Variants in CSTF3 observed in about 807,000 individuals in gnomAD.
The protein encoded by CSTF3 is CF-1 77 kDa subunit.
CSTF3 carries 29 observed loss-of-function variants against 105.8 expected under a neutral mutation model. The observed-to-expected ratio is 0.27, with a 90% CI of 0.20 to 0.37. CSTF3 has a LOEUF of 0.37. Ranked by LOEUF, CSTF3 falls within the 10% of genes least tolerant of loss-of-function variation. The pLI, the probability that CSTF3 is intolerant of heterozygous loss-of-function variation, is 1.00. For synonymous variants in CSTF3, 252 were observed against 281.9 expected, an observed-to-expected ratio of 0.89 and a Z score of 1.06; for missense variants, 357 against 879.3, an observed-to-expected ratio of 0.41 and a Z score of 7.51.
intron 3 of CSTF3, among the ~76,000 whole-genome samples, chr11:33,136,849 T>A (rs1311394099): frequency 6.6e-6 from 1 of 151,908 alleles, no homozygotes; most frequent in Non-Finnish European, 1.5e-5. Flanking sequence ...CTAATGACTA[T>A]AATACCCAAT....
intron 3 of CSTF3, among the ~76,000 whole-genome samples, chr11:33,133,490 A>C (rs1855622040): frequency 6.6e-6 from 1 of 152,264 alleles, no homozygotes; most frequent in Non-Finnish European, 1.5e-5. Flanking sequence ...AAATACACTA[A>C]AGACACATGA....
intron 3 of CSTF3, among the ~76,000 whole-genome samples, chr11:33,122,813 G>C (rs1194492737): frequency 6.6e-6 from 1 of 151,444 alleles, no homozygotes; most frequent in African/African-American, 2.4e-5. Context: ...CTACTTGAGG[G>C]GCTGAAGTGG....
In CSTF3 at chr11:33,124,081, C is replaced by T. The variant is rs114747368; in HGVS notation, c.226-15663G>A. Among the ~76,000 whole-genome samples, 3 of 151,996 alleles carry T rather than the reference C, an allele frequency of 2.0e-5. No individual in the cohort carries two copies. The South Asian group carries it at 6.2e-4, about 32-fold the overall frequency. ...AAATGTACAAATAAAACACAATATG[C>T]ATTATGCATACAGAAATTAGATGTA... is the stretch of plus-strand genomic sequence containing the variant. On this transcript the variant is annotated intron_variant, in intron 3 of 20. Transcript: ENST00000323959.
At chr11:33,124,640 T>C (rs1855525311) in intron 3 of CSTF3, among the ~76,000 whole-genome samples, 1 of 152,174 alleles carries the variant, frequency 6.6e-6, no homozygotes, top group South Asian at 2.1e-4. Context: ...CAGAGTGACT[T>C]TAGGCTAGGA....
chr11:33,147,032 G>A lies in CSTF3; in HGVS notation c.28-5046C>T, dbSNP rs557792232. ...AATATAAAAATTAGCCAGGCATGGT[G>A]GTGTGTGCCTGCAGCCCTAGCTACT... On this transcript the variant is annotated intron_variant, in intron 1 of 20. Coordinates refer to ENST00000323959, the MANE Select transcript of CSTF3 (RefSeq NM_001326.3). Among the ~76,000 whole-genome samples, 4 of 152,218 alleles carry A rather than the reference G, an allele frequency of 2.6e-5. No homozygotes were observed. In the South Asian group the frequency reaches 8.3e-4, roughly 32 times the overall value.
intron 15 of CSTF3, among the ~76,000 whole-genome samples, chr11:33,094,054 C>T (rs575050717): frequency 2.0e-5 from 3 of 152,288 alleles, no homozygotes; most frequent in Admixed American, 1.3e-4. Context: ...CTAGTGACTA[C>T]CATAATTGTG....
At chr11:33,103,785 A>G (rs1051489475) in intron 8 of CSTF3, among the ~76,000 whole-genome samples, 2 of 151,976 alleles carry the variant, frequency 1.3e-5, no homozygotes, top group African/African-American at 4.8e-5. Flanking sequence ...AAAAAAAAAT[A>G]TGTACAGATT....
intron 17 of CSTF3, among the ~76,000 whole-genome samples, 192 bp downstream of exon 17, chr11:33,090,340 C>T (rs1355905346): frequency 5.9e-5 from 9 of 152,148 alleles, no homozygotes; most frequent in Admixed American, 5.2e-4. Context: ...TTTCAATTCT[C>T]ATTTTGTTCA....
At chr11:33,113,683 CTTTTT>C (rs371618772) in intron 3 of CSTF3, among the ~76,000 whole-genome samples, 5 of 151,698 alleles carry the variant, frequency 3.3e-5, no homozygotes, top group South Asian at 4.2e-4. Flanking sequence ...CTTCAACTTC[CTTTTT>C]TTTAATAGAA....
chr11:33,136,975 T>C (rs1855660747), intron 3 of CSTF3, among the ~76,000 whole-genome samples: 2 of 151,884 alleles, frequency 1.3e-5, no homozygotes, highest in Non-Finnish European at 3.0e-5. Flanking sequence ...TCTGATCCAA[T>C]AGTCCTTTTT....
chr11:33,155,384 A>AT (rs1299535806), intron 1 of CSTF3, among the ~76,000 whole-genome samples: 16 of 81,262 alleles, frequency 2.0e-4, no homozygotes, highest in Admixed American at 9.7e-4. Flanking sequence ...AAATAAAAAA[A>AT]TTAAAAAAAA....
chr11:33,161,109 TAAGA>T (rs1280467303), intron 1 of CSTF3, among the ~76,000 whole-genome samples, 186 bp downstream of exon 1: 2 of 151,998 alleles, frequency 1.3e-5, no homozygotes, highest in Admixed American at 1.3e-4. Context: ...TATTCATGCC[TAAGA>T]GAGAGAAGTA....
At position 33,085,024 on chromosome 11, in the gene CSTF3, A is replaced by T; in HGVS notation, c.*63T>A. The T allele has an allele frequency of 6.5e-7, 1 of 1,550,292 alleles. No homozygotes were observed. Among genetic ancestry groups the T allele is most frequent in the Non-Finnish European group, 8.9e-7 (1 of 1,122,892 alleles). The stretch of plus-strand genomic sequence containing the variant: ...CTTGTAACAAAGCGTTGTCTCTTTT[A>T]AACATACCACTTGAGGCAAAAGGAA... On this transcript the variant is annotated 3_prime_UTR_variant, in exon 21 of 21. Coordinates refer to ENST00000323959, the MANE Select transcript of CSTF3 (RefSeq NM_001326.3).
At chr11:33,133,217 A>G (rs989755920) in intron 3 of CSTF3, among the ~76,000 whole-genome samples, 2 of 152,232 alleles carry the variant, frequency 1.3e-5, no homozygotes, top group Admixed American at 6.5e-5. Context: ...TTTCCACTCA[A>G]TAAACATATT....
intron 3 of CSTF3, among the ~76,000 whole-genome samples, chr11:33,134,774 A>C (rs1446247957): frequency 6.6e-6 from 1 of 152,172 alleles, no homozygotes; most frequent in Non-Finnish European, 1.5e-5. Flanking sequence ...AAAATGGTTG[A>C]GAAACACTAC....
At chr11:33,152,655 C>T (rs1849802975) in intron 1 of CSTF3, among the ~76,000 whole-genome samples, 1 of 152,142 alleles carries the variant, frequency 6.6e-6, no homozygotes, top group Non-Finnish European at 1.5e-5. Flanking sequence ...GATTGCTTCA[C>T]ATTCTTAAAA....
At chr11:33,132,585 A>T (rs764664347) in intron 3 of CSTF3, among the ~76,000 whole-genome samples, 7 of 152,190 alleles carry the variant, frequency 4.6e-5, no homozygotes, top group Non-Finnish European at 8.8e-5. Context: ...TTTAAATGCT[A>T]ATCTCCTAAC....
In CSTF3 at chr11:33,086,004, A is replaced by G. The variant is rs759688592; in HGVS notation, c.1796-15T>C. ...TAAACCTGGAGCTGTGAGAAAAAGAAAAGTATGAATCAAGTGGAATGGAAG... is the reference window on the plus strand; with the variant it reads ...TAAACCTGGAGCTGTGAGAAAAAGAGAAGTATGAATCAAGTGGAATGGAAG... On this transcript the variant is annotated splice_polypyrimidine_tract_variant and intron_variant, in intron 18 of 20. Transcript: ENST00000323959. 5 of 1,453,216 alleles carry G rather than the reference A, an allele frequency of 3.4e-6. No homozygotes were observed. Among genetic ancestry groups the G allele is most frequent in the South Asian group, 1.6e-5 (1 of 63,028 alleles). The allele number at this position is 1,453,216 out of a possible 1,614,324, so 90.0% of individuals were successfully genotyped here.
intron 3 of CSTF3, among the ~76,000 whole-genome samples, chr11:33,139,229 A>T (rs1383180288): frequency 1.3e-5 from 2 of 152,016 alleles, no homozygotes; most frequent in Non-Finnish European, 2.9e-5. Context: ...TTCCGTTACT[A>T]AAGATGTATG....
Sources: gnomAD v4.1 joint callset for allele counts (sites outside exome capture counted in the v4.1 genomes callset) on GRCh38, gnomAD v4.1.1 for gene constraint, MANE v1.5 for transcripts, NCBI Gene and HGNC (gene_info 2026-07-23, HGNC 2026-07-21) for gene names.